The following ASB3 variants were observed in gnomAD, a reference collection of about 807,000 sequenced individuals.
ASB3 encodes ankyrin repeat and SOCS box containing 3.
Under a neutral mutation model 54.5 loss-of-function variants are expected in ASB3, and 41 were observed. The ratio of observed to expected loss-of-function variants is 0.75; its 90% CI spans 0.59 to 0.98. The LOEUF is 0.98. Ranked by LOEUF, ASB3 falls within the 50% of genes least tolerant of loss-of-function variation. The pLI, the probability that ASB3 is intolerant of heterozygous loss-of-function variation, is 0.00. For missense variants in ASB3, 733 were observed against 620.0 expected, an observed-to-expected ratio of 1.18 and a Z score of -1.94; for synonymous variants, 266 against 221.2, an observed-to-expected ratio of 1.20 and a Z score of -1.80.
At chr2:53,770,021 C>A (rs17045215) in intron 1 of ASB3, among the ~76,000 whole-genome samples, 9,652 of 152,242 alleles carry the variant, frequency 0.063, 409 homozygotes, top group East Asian at 0.16. Flanking sequence ...ATCTTCTCCA[C>A]AGCACACAGT....
intron 1 of ASB3, among the ~76,000 whole-genome samples, chr2:53,784,645 C>A (rs879458767): frequency 6.6e-6 from 1 of 152,214 alleles, no homozygotes; most frequent in Non-Finnish European, 1.5e-5. Context: ...ATACTGCAAT[C>A]TTGCTGCCTC....
Position 53,750,933 on chromosome 2 carries a change from C to T in ASB3, c.205G>A (p.Glu69Lys). ...AAGGTCTTCATCTTAATGTAGTTTT[C>T]AGATGAATCTGTGGAAGAATCAAAG... is the stretch of plus-strand genomic sequence containing the variant. Reference protein sequence around the residue: ...LQMLINADSSENYIKMKTFEG... With the variant: ...LQMLINADSSKNYIKMKTFEG... The change falls in exon 3 of 10, where the codon GAA becomes AAA. Residue 69 changes from glutamate to lysine, a missense_variant. Transcript: ENST00000263634. The T allele has an allele frequency of 6.4e-7, 1 of 1,550,978 alleles. No individual in the cohort carries two copies. The highest frequency in any genetic ancestry group is 8.7e-7 in the Non-Finnish European group (1 of 1,150,394).
Position 53,750,960 on chromosome 2 carries a change from C to A in ASB3, c.197-19G>T. 6.7e-7 allele frequency: 1 copy of A among 1,494,060 alleles called. No individual in the cohort carries two copies. Among genetic ancestry groups the A allele is most frequent in the South Asian group, 1.5e-5 (1 of 67,848 alleles). 92.6% of individuals were successfully genotyped at this position (1,494,060 alleles called of 1,614,324 possible). On this transcript the variant is annotated intron_variant, in intron 2 of 9. Coordinates refer to ENST00000263634, the MANE Select transcript of ASB3 (RefSeq NM_016115.5). ...GATGAATCTGTGGAAGAATCAAAGC[C>A]CATCAACTAGAAGGTATTACTTCTA...
chr2:53,776,473 A>G (rs1318972466), intron 1 of ASB3, among the ~76,000 whole-genome samples: 1 of 152,092 alleles, frequency 6.6e-6, no homozygotes, highest in African/African-American at 2.4e-5. Context: ...ATTGTCTATT[A>G]ATTTATTCAG....
intron 3 of ASB3, among the ~76,000 whole-genome samples, chr2:53,732,027 G>T (rs10191635): frequency 6.6e-6 from 1 of 151,786 alleles, no homozygotes; most frequent in South Asian, 2.1e-4. Flanking sequence ...GCGCAAACTC[G>T]GCTTACTGCA....
At chr2:53,718,714 G>C (rs952798936) in intron 5 of ASB3, among the ~76,000 whole-genome samples, 1 of 150,432 alleles carries the variant, frequency 6.6e-6, no homozygotes, top group Non-Finnish European at 1.5e-5. Context: ...CAAATCTTTC[G>C]CCTTTTACGA....
intron 1 of ASB3, among the ~76,000 whole-genome samples, chr2:53,780,637 G>A (rs1478901374): frequency 6.6e-6 from 1 of 152,096 alleles, no homozygotes; most frequent in African/African-American, 2.4e-5. Context: ...AATTAGCTGG[G>A]CATAGTGGCA....
chr2:53,717,687 T>A (rs1670475753), intron 5 of ASB3, among the ~76,000 whole-genome samples: 1 of 152,140 alleles, frequency 6.6e-6, no homozygotes, highest in South Asian at 2.1e-4. Context: ...CAATGGTTCC[T>A]GACCCAAATG....
intron 1 of ASB3, chr2:53,771,882 ATT>A: frequency 1.4e-6 from 2 of 1,473,248 alleles, no homozygotes; most frequent in Non-Finnish European, 1.9e-6. Flanking sequence ...ATTCAGAAAA[ATT>A]TTTTTTTACC....
chr2:53,776,337 G>T (rs1674333249), intron 1 of ASB3, among the ~76,000 whole-genome samples: 2 of 152,108 alleles, frequency 1.3e-5, no homozygotes, highest in South Asian at 4.1e-4. Flanking sequence ...TACCATCCCT[G>T]GTTCTTTCTT....
chr2:53,733,491 G>C (rs139311506), intron 3 of ASB3, among the ~76,000 whole-genome samples: 1 of 149,414 alleles, frequency 6.7e-6, no homozygotes, highest in African/African-American at 2.5e-5. Context: ...GCCCAAGCTC[G>C]ACTGCAGTAG....
chr2:53,767,846 G>C (rs375387693), intron 1 of ASB3: 3 of 1,575,288 alleles, frequency 1.9e-6, no homozygotes, highest in African/African-American at 2.7e-5. Context: ...CGCGGCGACA[G>C]CTAGGGTTCA....
At chr2:53,692,028 T>C (rs1021858887) in intron 9 of ASB3, among the ~76,000 whole-genome samples, 4 of 152,186 alleles carry the variant, frequency 2.6e-5, no homozygotes, top group Admixed American at 2.6e-4. Flanking sequence ...TTCTTTAGTG[T>C]AGGAGGCTGT....
intron 9 of ASB3, among the ~76,000 whole-genome samples, chr2:53,691,332 G>T (rs947528503): frequency 6.6e-5 from 10 of 152,194 alleles, no homozygotes; most frequent in African/African-American, 2.4e-4. Context: ...AATAAAAAAT[G>T]GGAGAAAAAT....
intron 5 of ASB3, among the ~76,000 whole-genome samples, chr2:53,718,763 TAAA>T (rs541065888): frequency 7.1e-6 from 1 of 140,302 alleles, no homozygotes. Context: ...CAATTTGGAT[TAAA>T]AAAAAAAAAA....
intron 7 of ASB3, among the ~76,000 whole-genome samples, chr2:53,709,734 C>G (rs79500119): frequency 0.057 from 8,680 of 152,218 alleles, 479 homozygotes; most frequent in East Asian, 0.28. Flanking sequence ...AGACAGCTAG[C>G]CTCCAAGATG....
chr2:53,763,387 TG>T (rs1426415941), intron 2 of ASB3: 8 of 169,036 alleles, frequency 4.7e-5, no homozygotes, highest in African/African-American at 1.7e-4. Context: ...GTCGGGCTTC[TG>T]TATCCACGGG....
At chr2:53,744,948 T>A (rs2086206521) in intron 3 of ASB3, among the ~76,000 whole-genome samples, 1 of 152,008 alleles carries the variant, frequency 6.6e-6, no homozygotes, top group Non-Finnish European at 1.5e-5. Flanking sequence ...ATAAGCAAAC[T>A]CAGAAAAACA....
Position 53,759,808 on chromosome 2 carries a change from C to T in ASB3, c.196+5569G>A, listed in dbSNP as rs1477927066. 2.6e-5 allele frequency among the ~76,000 whole-genome samples: 4 copies of T among 152,192 alleles called. No individual in the cohort carries two copies. The East Asian group carries it at 7.7e-4, about 29-fold the overall frequency. ...GCCCACTGCCCCAGGGGACGAAGGT[C>T]CTCTGAGTCAGAAGCCACTAACCAG... On this transcript the variant is annotated intron_variant, in intron 2 of 9. Transcript: ENST00000263634.
Sources: allele counts gnomAD v4.1 joint callset (sites outside exome capture counted in the v4.1 genomes callset), GRCh38; gene constraint gnomAD v4.1.1; transcripts MANE v1.5; gene names NCBI Gene and HGNC (gene_info 2026-07-23, HGNC 2026-07-21).